MGAT4C: variants seen among roughly 807,000 people sequenced by gnomAD.
The protein encoded by MGAT4C is alpha-1,3-mannosyl-glycoprotein 4-beta-N-acetylglucosaminyltransferase C.
In MGAT4C, 19 loss-of-function variants were observed where a neutral mutation model predicts 40.1. The observed-to-expected ratio is 0.47, with a 90% CI of 0.33 to 0.70. The LOEUF (loss-of-function observed/expected upper bound fraction) is 0.70. Among genes scored for constraint, MGAT4C ranks in the 30% least tolerant of loss-of-function variants. MGAT4C has a pLI of 0.02. For synonymous variants in MGAT4C, 181 were observed against 187.1 expected, an observed-to-expected ratio of 0.97 and a Z score of 0.27; for missense variants, 491 against 563.2, an observed-to-expected ratio of 0.87 and a Z score of 1.30.
intron 1 of MGAT4C, among the ~76,000 whole-genome samples, chr12:86,748,310 T>G (rs1951184000): frequency 6.6e-6 from 1 of 151,646 alleles, no homozygotes; most frequent in Non-Finnish European, 1.5e-5. Flanking sequence ...TACCTTAAAA[T>G]CTGCCTCTGG....
intron 2 of MGAT4C, among the ~76,000 whole-genome samples, chr12:86,436,021 T>A (rs183431453): frequency 3.9e-5 from 6 of 151,998 alleles, no homozygotes; most frequent in African/African-American, 1.4e-4. Flanking sequence ...TCAATTTGTG[T>A]CACTCTTTAT....
At chr12:86,482,460 G>T (rs1163844642) in intron 2 of MGAT4C, among the ~76,000 whole-genome samples, 2 of 151,530 alleles carry the variant, frequency 1.3e-5, no homozygotes, top group Non-Finnish European at 1.5e-5. Context: ...ATATATACTC[G>T]GGATAAGGAT....
intron 2 of MGAT4C, among the ~76,000 whole-genome samples, chr12:86,041,577 C>T (rs1389795830): frequency 2.0e-5 from 3 of 152,120 alleles, no homozygotes; most frequent in Non-Finnish European, 4.4e-5. Flanking sequence ...TCATCGTTTA[C>T]CCACAAGTCA....
chr12:86,064,377 C>T (rs1894306891), intron 1 of MGAT4C, among the ~76,000 whole-genome samples: 1 of 151,862 alleles, frequency 6.6e-6, no homozygotes, highest in African/African-American at 2.4e-5. Flanking sequence ...GAGACTACGT[C>T]TCAAAAAAAA....
intron 2 of MGAT4C, among the ~76,000 whole-genome samples, chr12:86,475,856 A>C (rs1455999445): frequency 6.6e-6 from 1 of 152,094 alleles, no homozygotes; most frequent in Non-Finnish European, 1.5e-5. Flanking sequence ...TATCATCATT[A>C]TAATTGCCAT....
intron 2 of MGAT4C, among the ~76,000 whole-genome samples, chr12:86,630,287 G>T (rs1374617412): frequency 6.6e-6 from 1 of 152,072 alleles, no homozygotes; most frequent in Non-Finnish European, 1.5e-5. Flanking sequence ...AAAAAGTCCA[G>T]GACCAGACAG....
At chr12:86,553,993 T>C (rs1959487793) in intron 2 of MGAT4C, among the ~76,000 whole-genome samples, 1 of 152,166 alleles carries the variant, frequency 6.6e-6, no homozygotes, top group Admixed American at 6.6e-5. Flanking sequence ...ATAGTCCTCC[T>C]ATTTAATGAA....
At chr12:86,518,288 C>T (rs1958732477) in intron 2 of MGAT4C, among the ~76,000 whole-genome samples, 2 of 152,218 alleles carry the variant, frequency 1.3e-5, no homozygotes, top group South Asian at 4.1e-4. Flanking sequence ...CAAATCAAGT[C>T]ACAGCCTAGG....
At chr12:86,668,584 CAT>C (rs1241601706) in intron 2 of MGAT4C, among the ~76,000 whole-genome samples, 1 of 152,186 alleles carries the variant, frequency 6.6e-6, no homozygotes, top group African/African-American at 2.4e-5. Context: ...CACTGTCAGC[CAT>C]TATTTTGTGT....
intron 2 of MGAT4C, among the ~76,000 whole-genome samples, chr12:86,660,045 A>T (rs1295734687): frequency 1.3e-5 from 2 of 148,652 alleles, no homozygotes; most frequent in African/African-American, 5.2e-5. Context: ...CATGATAACA[A>T]AATAAAATAA....
intron 1 of MGAT4C, among the ~76,000 whole-genome samples, chr12:86,117,048 CTTA>C (rs1055261053): frequency 2.0e-5 from 3 of 151,970 alleles, no homozygotes; most frequent in African/African-American, 7.2e-5. Context: ...TTGATAATAT[CTTA>C]TTATACTTTA....
chr12:86,073,969 C>T (rs982122553), intron 1 of MGAT4C, among the ~76,000 whole-genome samples: 2 of 152,068 alleles, frequency 1.3e-5, no homozygotes, highest in Non-Finnish European at 1.5e-5. Context: ...TATGTCCTCA[C>T]CCAAATCTCA....
intron 1 of MGAT4C, among the ~76,000 whole-genome samples, chr12:86,139,924 G>C (rs1238243760): frequency 6.6e-6 from 1 of 152,122 alleles, no homozygotes; most frequent in Non-Finnish European, 1.5e-5. Context: ...ATACAAATCT[G>C]ATTAAGTCAC....
chr12:86,393,846 A>T (rs1294286458), intron 3 of MGAT4C, among the ~76,000 whole-genome samples: 1 of 152,146 alleles, frequency 6.6e-6, no homozygotes, highest in Non-Finnish European at 1.5e-5. Flanking sequence ...ATCATCCAAA[A>T]TGTCAATGCT....
chr12:86,460,237 T>C (rs1443603316), intron 2 of MGAT4C, among the ~76,000 whole-genome samples: 1 of 152,154 alleles, frequency 6.6e-6, no homozygotes, highest in Non-Finnish European at 1.5e-5. Context: ...CAGCTGAGTT[T>C]GTGTGAAATA....
At position 86,054,819 on chromosome 12, in the gene MGAT4C, G is replaced by A. The variant is rs536461942; in HGVS notation, c.-56-5096C>T. ...TAGGTCCACCATGAGTGAAGTGTGG[G>A]CCTCTCATTTGGATGAAAATAATTT... On this transcript the variant is annotated intron_variant, in intron 1 of 4. Coordinates refer to ENST00000611864, the MANE Select transcript of MGAT4C (RefSeq NM_001351288.2). 2.0e-5 allele frequency among the ~76,000 whole-genome samples: 3 copies of A among 151,748 alleles called. No homozygotes were observed. In the East Asian group the frequency reaches 5.8e-4, roughly 29 times the overall value.
chr12:86,700,292 T>G (rs1950340639), intron 2 of MGAT4C, among the ~76,000 whole-genome samples: 1 of 152,050 alleles, frequency 6.6e-6, no homozygotes, highest in South Asian at 2.1e-4. Flanking sequence ...TTGAAGTCGC[T>G]TAATATATTG....
At chr12:86,679,178 CAGT>C (rs1354526458) in intron 2 of MGAT4C, among the ~76,000 whole-genome samples, 2 of 152,086 alleles carry the variant, frequency 1.3e-5, no homozygotes, top group African/African-American at 4.8e-5. Flanking sequence ...TTCTGATAGC[CAGT>C]GATGGTGAGC....
chr12:86,526,207 G>A (rs1175044516), intron 2 of MGAT4C, among the ~76,000 whole-genome samples: 2 of 152,084 alleles, frequency 1.3e-5, no homozygotes, highest in Non-Finnish European at 2.9e-5. Context: ...TGGCAGTGTT[G>A]GTACAAGGGC....
Sources: allele counts gnomAD v4.1 joint callset (sites outside exome capture counted in the v4.1 genomes callset), GRCh38; gene constraint gnomAD v4.1.1; transcripts MANE v1.5; gene names NCBI Gene and HGNC (gene_info 2026-07-23, HGNC 2026-07-21).